BMPR1B: variants seen among roughly 807,000 people sequenced by gnomAD.
The protein encoded by BMPR1B is bone morphogenetic protein receptor type 1B, also known as bone morphogenetic protein receptor type-1B.
BMPR1B carries 12 observed loss-of-function variants against 59.1 expected under a neutral mutation model. The ratio of observed to expected loss-of-function variants is 0.20; its 90% CI spans 0.13 to 0.33. BMPR1B has a LOEUF of 0.33. Among genes scored for constraint, BMPR1B ranks in the 10% least tolerant of loss-of-function variants. BMPR1B has a pLI of 1.00. For synonymous variants in BMPR1B, 237 were observed against 207.3 expected, an observed-to-expected ratio of 1.14 and a Z score of -1.23; for missense variants, 550 against 610.9, an observed-to-expected ratio of 0.90 and a Z score of 1.05.
intron 10 of BMPR1B, among the ~76,000 whole-genome samples, chr4:95,145,858 A>G (rs1365484955): frequency 3.3e-5 from 5 of 152,232 alleles, no homozygotes; most frequent in African/African-American, 4.8e-5. Flanking sequence ...AGTTTGCTCA[A>G]CAAAATTCTA....
chr4:94,939,750 A>G (rs532211828), intron 2 of BMPR1B, among the ~76,000 whole-genome samples: 6 of 152,292 alleles, frequency 3.9e-5, no homozygotes, highest in African/African-American at 1.4e-4. Flanking sequence ...GATAGCGATT[A>G]TATTTTCCAA....
At chr4:94,806,603 C>A (rs1270332574) in intron 1 of BMPR1B, among the ~76,000 whole-genome samples, 2 of 152,126 alleles carry the variant, frequency 1.3e-5, no homozygotes, top group African/African-American at 4.8e-5. Flanking sequence ...CCCTACTTTC[C>A]CTTTTATTGT....
At chr4:94,803,980 A>T (rs1015514010) in intron 1 of BMPR1B, among the ~76,000 whole-genome samples, 3 of 152,014 alleles carry the variant, frequency 2.0e-5, no homozygotes, top group African/African-American at 7.2e-5. Flanking sequence ...CTGGGTTCAC[A>T]CCATTCTCCT....
intron 1 of BMPR1B, among the ~76,000 whole-genome samples, chr4:94,839,570 C>G (rs1311971521): frequency 2.0e-5 from 3 of 149,658 alleles, no homozygotes; most frequent in Non-Finnish European, 4.5e-5. Flanking sequence ...TTATCAGAGA[C>G]TAGGATTGCA....
chr4:94,838,592 G>A (rs1560508567), intron 1 of BMPR1B, among the ~76,000 whole-genome samples: 2 of 139,626 alleles, frequency 1.4e-5, no homozygotes, highest in South Asian at 4.7e-4. Context: ...ATTTCTGTTG[G>A]ATCGGTGGTG....
intron 10 of BMPR1B, among the ~76,000 whole-genome samples, chr4:95,146,058 C>G (rs1734618829): frequency 6.6e-6 from 1 of 152,188 alleles, no homozygotes; most frequent in Non-Finnish European, 1.5e-5. Flanking sequence ...GGGCTATGCT[C>G]TTTGGGGATA....
intron 2 of BMPR1B, among the ~76,000 whole-genome samples, chr4:94,919,492 A>G (rs926689001): frequency 3.3e-5 from 5 of 152,204 alleles, no homozygotes; most frequent in Admixed American, 6.5e-5. Flanking sequence ...AGTAAATTTT[A>G]AAAACTGGAC....
chr4:94,982,853 T>C (rs1014847025), intron 2 of BMPR1B, among the ~76,000 whole-genome samples: 1 of 151,852 alleles, frequency 6.6e-6, no homozygotes, highest in African/African-American at 2.4e-5. Context: ...GGTGTGATGG[T>C]GGGCGCCTGT....
At chr4:94,925,084 A>G (rs1464231303) in intron 2 of BMPR1B, among the ~76,000 whole-genome samples, 1 of 152,098 alleles carries the variant, frequency 6.6e-6, no homozygotes. Context: ...TCTGCCTTCA[A>G]GAACTGGAAC....
chr4:95,088,699 A>T (rs2149245585), intron 3 of BMPR1B, among the ~76,000 whole-genome samples: 1 of 152,284 alleles, frequency 6.6e-6, no homozygotes, highest in Non-Finnish European at 1.5e-5. Flanking sequence ...AGAAAGAAAG[A>T]AACTAAAAAA....
intron 1 of BMPR1B, among the ~76,000 whole-genome samples, chr4:94,844,947 CCTT>C (rs930543998): frequency 6.6e-6 from 1 of 152,182 alleles, no homozygotes; most frequent in Admixed American, 6.5e-5. Flanking sequence ...TCACCTGGGT[CCTT>C]CTTCAAGGAA....
At chr4:94,907,481 C>G (rs1728090968) in intron 2 of BMPR1B, among the ~76,000 whole-genome samples, 1 of 151,936 alleles carries the variant, frequency 6.6e-6, no homozygotes, top group African/African-American at 2.4e-5. Flanking sequence ...TAAGGTAATG[C>G]CTGTGCATAT....
intron 4 of BMPR1B, among the ~76,000 whole-genome samples, chr4:95,106,021 G>A (rs1237265122): frequency 3.3e-5 from 5 of 151,990 alleles, no homozygotes; most frequent in East Asian, 1.9e-4. Flanking sequence ...TAAGCCATTT[G>A]GATGTCCTAA....
rs1487022296 is a variant in BMPR1B, at chr4:95,102,753, T to G, written c.-17-1655T>G. Among the ~76,000 whole-genome samples the G allele has an allele frequency of 3.9e-5, 6 of 152,144 alleles. No individual in the cohort carries two copies. The East Asian group carries it at 1.2e-3, about 29-fold the overall frequency. ...ATTTAACCTCACTTTATTTGGGAAT[T>G]TAACCTAAGGACGAGCATACTATAT... On this transcript the variant is annotated intron_variant, in intron 3 of 12. Transcript: ENST00000515059.
At chr4:94,765,468 T>G (rs1348303620) in intron 1 of BMPR1B, among the ~76,000 whole-genome samples, 2 of 152,168 alleles carry the variant, frequency 1.3e-5, no homozygotes, top group Admixed American at 6.5e-5. Context: ...TTTTAAAAGT[T>G]TGATAGACAT....
intron 2 of BMPR1B, among the ~76,000 whole-genome samples, chr4:94,977,771 C>T (rs1401720785): frequency 6.6e-6 from 1 of 152,092 alleles, no homozygotes; most frequent in Non-Finnish European, 1.5e-5. Flanking sequence ...GCAGGAGAAT[C>T]GCCTGAACCC....
At chr4:95,127,766 C>A (rs1733011356) in intron 8 of BMPR1B, among the ~76,000 whole-genome samples, 1 of 152,066 alleles carries the variant, frequency 6.6e-6, no homozygotes, top group African/African-American at 2.4e-5. Flanking sequence ...TTCCATCAAG[C>A]TTCAGTGGCT....
At chr4:94,803,183 C>T (rs2110625615) in intron 1 of BMPR1B, among the ~76,000 whole-genome samples, 1 of 152,296 alleles carries the variant, frequency 6.6e-6, no homozygotes, top group South Asian at 2.1e-4. Context: ...CTGTGACTCC[C>T]ATTTGGTATT....
intron 1 of BMPR1B, among the ~76,000 whole-genome samples, chr4:94,842,123 A>G (rs566758821): frequency 3.0e-4 from 45 of 152,176 alleles, no homozygotes; most frequent in Middle Eastern, 3.4e-3. Context: ...AGCACAAATT[A>G]TTTTTTACAT....
Sources: allele counts gnomAD v4.1 joint callset (sites outside exome capture counted in the v4.1 genomes callset), GRCh38; gene constraint gnomAD v4.1.1; transcripts MANE v1.5; gene names NCBI Gene and HGNC (gene_info 2026-07-23, HGNC 2026-07-21).